SORT1: variants seen among roughly 807,000 people sequenced by gnomAD.
The protein encoded by SORT1 is sortilin.
In SORT1, 39 loss-of-function variants were observed where a neutral mutation model predicts 101.7. The ratio of observed to expected loss-of-function variants is 0.38; its 90% CI spans 0.30 to 0.50. SORT1 has a LOEUF of 0.50. Ranked by LOEUF, SORT1 falls within the 20% of genes least tolerant of loss-of-function variation. The pLI is 0.90. For synonymous variants in SORT1, 396 were observed against 393.7 expected, an observed-to-expected ratio of 1.01 and a Z score of -0.07; for missense variants, 878 against 1,040.4, an observed-to-expected ratio of 0.84 and a Z score of 2.15.
intron 11 of SORT1, among the ~76,000 whole-genome samples, chr1:109,332,536 C>T (rs1238399478): frequency 6.6e-6 from 1 of 152,086 alleles, no homozygotes; most frequent in Non-Finnish European, 1.5e-5. Context: ...TTCCACTGGA[C>T]CCCAGTCAGG....
intron 7 of SORT1, among the ~76,000 whole-genome samples, chr1:109,346,269 C>T (rs189481612): frequency 1.3e-5 from 2 of 149,006 alleles, no homozygotes; most frequent in South Asian, 2.1e-4. Context: ...GCAGAGATCG[C>T]GCCACTGTGC....
chr1:109,332,991 G>A (rs989641159), intron 11 of SORT1, among the ~76,000 whole-genome samples: 2 of 151,984 alleles, frequency 1.3e-5, no homozygotes, highest in African/African-American at 2.4e-5. Context: ...GCAATGGTGC[G>A]GTCTCGGCTC....
intron 9 of SORT1, 127 bp downstream of exon 9, chr1:109,341,887 G>A: frequency 1.1e-6 from 1 of 889,676 alleles, no homozygotes; most frequent in Non-Finnish European, 1.8e-6. Flanking sequence ...TGATCTCTAG[G>A]ACAGAAAAAT....
intron 17 of SORT1, among the ~76,000 whole-genome samples, chr1:109,315,146 G>A (rs1452173474): frequency 6.6e-6 from 1 of 152,178 alleles, no homozygotes; most frequent in Non-Finnish European, 1.5e-5. Flanking sequence ...ACAGTAGGCT[G>A]AATGACTCTA....
intron 1 of SORT1, among the ~76,000 whole-genome samples, chr1:109,383,903 A>G (rs1484236652): frequency 6.6e-6 from 1 of 152,222 alleles, no homozygotes; most frequent in Admixed American, 6.5e-5. Flanking sequence ...GGAGAGTACC[A>G]GGCTAATAAT....
rs115260952 is a variant in SORT1, at chr1:109,335,428, C to T, written c.1371+812G>A. 9.2e-3 allele frequency among the ~76,000 whole-genome samples: 1,395 copies of T among 152,202 alleles called. 18 individuals carry two copies. The highest frequency in any genetic ancestry group is 0.032 in the African/African-American group (1,320 of 41,520). Reference sequence around the variant, plus strand: ...AGTCGGGTAGATGCAACAGTGCTTGCGAGTGTAAAGGAGGAGAGTGTGTTG... The same window carrying T: ...AGTCGGGTAGATGCAACAGTGCTTGTGAGTGTAAAGGAGGAGAGTGTGTTG... On this transcript the variant is annotated intron_variant, in intron 11 of 19. Coordinates refer to ENST00000256637, the MANE Select transcript of SORT1 (RefSeq NM_002959.7).
Position 109,392,562 on chromosome 1 carries a change from C to G in SORT1, c.306+5025G>C, listed in dbSNP as rs1652978025. The G allele has an allele frequency of 4.1e-6, 4 of 972,500 alleles. No homozygotes were observed. The South Asian group carries it at 1.4e-4, about 35-fold the overall frequency. 60.2% of individuals were successfully genotyped at this position (972,500 alleles called of 1,614,324 possible). Reference sequence around the variant, plus strand: ...TAATTAAAAATCACTGTGCACAGAGCCAAACATTTGAGTCAGCAGAGAACT... The same window carrying G: ...TAATTAAAAATCACTGTGCACAGAGGCAAACATTTGAGTCAGCAGAGAACT... On this transcript the variant is annotated intron_variant, in intron 1 of 19. Transcript: ENST00000256637.
intron 2 of SORT1, 116 bp from the exon 3 acceptor site, chr1:109,367,597 T>G: frequency 1.6e-6 from 1 of 624,958 alleles, no homozygotes; most frequent in South Asian, 2.0e-5. Flanking sequence ...TTTGTAGTAC[T>G]CCCCAAAGTC....
chr1:109,392,199 C>T (rs1174623768), intron 1 of SORT1, among the ~76,000 whole-genome samples: 3 of 152,106 alleles, frequency 2.0e-5, no homozygotes, highest in Non-Finnish European at 4.4e-5. Context: ...GTTACTCCCC[C>T]GTCCTGACCA....
chr1:109,370,062 C>T (rs1651393490), intron 1 of SORT1, among the ~76,000 whole-genome samples: 1 of 152,230 alleles, frequency 6.6e-6, no homozygotes, highest in South Asian at 2.1e-4. Context: ...GTCTAGCTCA[C>T]TCAAAAATGA....
intron 3 of SORT1, among the ~76,000 whole-genome samples, chr1:109,366,030 A>G (rs1006000655): frequency 6.6e-6 from 1 of 152,208 alleles, no homozygotes; most frequent in Admixed American, 6.5e-5. Context: ...GGTAGTTTCT[A>G]TATCATCTGC....
intron 9 of SORT1, among the ~76,000 whole-genome samples, chr1:109,341,375 C>A (rs2101581236): frequency 6.6e-6 from 1 of 150,830 alleles, no homozygotes; most frequent in East Asian, 1.9e-4. Context: ...GAGATGGAGT[C>A]TCGCTCTGTT....
intron 1 of SORT1, among the ~76,000 whole-genome samples, chr1:109,371,418 T>C (rs182387366): frequency 1.3e-5 from 2 of 152,276 alleles, no homozygotes; most frequent in Admixed American, 1.3e-4. Flanking sequence ...ACCAGGCAGA[T>C]CACAAGGGCT....
At chr1:109,396,886 G>A (rs138195809) in intron 1 of SORT1, among the ~76,000 whole-genome samples, 216 of 152,340 alleles carry the variant, frequency 1.4e-3, no homozygotes, top group African/African-American at 5.1e-3. Context: ...GTGTGCAAAG[G>A]TTGAGCTGCT....
At chr1:109,387,936 C>T (rs1336334045) in intron 1 of SORT1, among the ~76,000 whole-genome samples, 3 of 151,726 alleles carry the variant, frequency 2.0e-5, no homozygotes, top group East Asian at 1.9e-4. Context: ...GGCAACAGAG[C>T]GAGACCCTGT....
At chr1:109,345,995 T>C (rs1649558955) in intron 7 of SORT1, 114 bp from the exon 8 acceptor site, 3 of 877,278 alleles carry the variant, frequency 3.4e-6, no homozygotes. Flanking sequence ...ATACTATGCA[T>C]GTTAATCAAG....
rs1320189425 is a variant in SORT1 at position 109,326,450 on chromosome 1, TATATATATATATATACATAC to T, written c.1643+522_1643+541del. ...AAGAATATATATATATATATATATA[TATATATATATATATACATAC>T]ACACACACACACACATATATATACA... On this transcript the variant is annotated intron_variant, in intron 13 of 19. Coordinates refer to ENST00000256637, the MANE Select transcript of SORT1 (RefSeq NM_002959.7). 5.5e-3 allele frequency among the ~76,000 whole-genome samples: 151 copies of T among 27,634 alleles called. 3 individuals are homozygous for T. The East Asian group carries it at 0.2, about 36-fold the overall frequency. 18.1% of individuals were successfully genotyped at this position (27,634 alleles called of 152,430 possible).
intron 17 of SORT1, among the ~76,000 whole-genome samples, chr1:109,315,936 T>C (rs937386828): frequency 5.9e-5 from 9 of 151,652 alleles, no homozygotes; most frequent in African/African-American, 2.2e-4. Context: ...TTTTGTATTT[T>C]TTTTGTAAAG....
intron 4 of SORT1, 134 bp downstream of exon 4, chr1:109,355,233 T>C: frequency 1.6e-6 from 1 of 629,276 alleles, no homozygotes; most frequent in East Asian, 2.9e-5. Context: ...TTGTGTTTAA[T>C]TTTAAAATAT....
Sources: allele counts gnomAD v4.1 joint callset (sites outside exome capture counted in the v4.1 genomes callset), GRCh38; gene constraint gnomAD v4.1.1; transcripts MANE v1.5; gene names NCBI Gene and HGNC (gene_info 2026-07-23, HGNC 2026-07-21).